Variants in KCNAB1 observed in about 807,000 individuals in gnomAD.
KCNAB1 encodes potassium voltage-gated channel subfamily A regulatory beta subunit 1, also known as voltage-gated potassium channel subunit beta-1.
KCNAB1 carries 35 observed loss-of-function variants against 64.6 expected under a neutral mutation model. That is an observed-to-expected ratio of 0.54 (90% confidence interval 0.41 to 0.72). The LOEUF is 0.72. Among genes scored for constraint, KCNAB1 ranks in the 30% least tolerant of loss-of-function variants. The pLI is 0.00. For missense variants in KCNAB1, 401 were observed against 512.9 expected (o/e 0.78, Z 2.11); for synonymous variants, 177 against 183.8 (o/e 0.96, Z 0.30).
At chr3:156,178,643 T>A (rs1712557788) in intron 1 of KCNAB1, among the ~76,000 whole-genome samples, 1 of 152,238 alleles carries the variant, frequency 6.6e-6, no homozygotes, top group East Asian at 1.9e-4. Context: ...TTTGAGAACC[T>A]ACTTGGCATA....
intron 1 of KCNAB1, among the ~76,000 whole-genome samples, chr3:156,147,957 A>ACG (rs1461081112): frequency 2.9e-5 from 4 of 137,056 alleles, no homozygotes; most frequent in Middle Eastern, 3.5e-3. Flanking sequence ...ACACACACAC[A>ACG]CACGCACGCA....
chr3:156,419,985 A>G (rs1279452997), intron 1 of KCNAB1, among the ~76,000 whole-genome samples: 1 of 152,228 alleles, frequency 6.6e-6, no homozygotes, highest in African/African-American at 2.4e-5. Context: ...TTCTTATAAA[A>G]ATTATGTTCA....
intron 1 of KCNAB1, among the ~76,000 whole-genome samples, chr3:156,173,449 G>T (rs1279386331): frequency 6.6e-6 from 1 of 152,172 alleles, no homozygotes; most frequent in Non-Finnish European, 1.5e-5. Flanking sequence ...CTGGAAATGG[G>T]TTATGAATCA....
chr3:156,459,993 C>G, intron 5 of KCNAB1, 122 bp downstream of exon 5: 1 of 666,176 alleles, frequency 1.5e-6, no homozygotes, highest in Non-Finnish European at 2.6e-6. Context: ...GTTTTTAAAG[C>G]AATGATTTAT....
chr3:156,270,725 TA>T (rs1718990763), intron 1 of KCNAB1, among the ~76,000 whole-genome samples: 1 of 152,254 alleles, frequency 6.6e-6, no homozygotes, highest in Admixed American at 6.5e-5. Context: ...GAGTAGTTTA[TA>T]TACCACAATT....
At chr3:156,208,073 A>AT (rs919578376) in intron 1 of KCNAB1, among the ~76,000 whole-genome samples, 17 of 151,746 alleles carry the variant, frequency 1.1e-4, no homozygotes, top group East Asian at 7.7e-4. Flanking sequence ...TACATGATAT[A>AT]TTTTTTTTTC....
chr3:156,323,065 C>T (rs1009470361), intron 1 of KCNAB1, among the ~76,000 whole-genome samples: 17 of 152,114 alleles, frequency 1.1e-4, no homozygotes, highest in Admixed American at 5.9e-4. Flanking sequence ...TACTAGCATC[C>T]GCTTGGTGCA....
At chr3:156,316,575 A>T (rs1722291616) in intron 1 of KCNAB1, among the ~76,000 whole-genome samples, 1 of 152,224 alleles carries the variant, frequency 6.6e-6, no homozygotes, top group South Asian at 2.1e-4. Context: ...ATAAGGGATA[A>T]AAGTGTAGGC....
intron 1 of KCNAB1, among the ~76,000 whole-genome samples, chr3:156,242,644 T>G (rs1030979640): frequency 2.5e-4 from 38 of 152,276 alleles, no homozygotes; most frequent in Middle Eastern, 3.4e-3. Flanking sequence ...TCTTTTGGTT[T>G]TCTGAATGTT....
intron 1 of KCNAB1, among the ~76,000 whole-genome samples, chr3:156,209,708 T>G (rs914589567): frequency 1.1e-4 from 16 of 152,218 alleles, no homozygotes; most frequent in Non-Finnish European, 1.9e-4. Context: ...AAGTATGTTG[T>G]GTGGGGGCTG....
At chr3:156,438,936 C>T (rs1225491911) in intron 2 of KCNAB1, among the ~76,000 whole-genome samples, 1 of 152,098 alleles carries the variant, frequency 6.6e-6, no homozygotes, top group Non-Finnish European at 1.5e-5. Context: ...ATCGCTTGAA[C>T]CCGGGAGGCG....
intron 1 of KCNAB1, among the ~76,000 whole-genome samples, chr3:156,395,155 G>A (rs1713331432): frequency 6.6e-6 from 1 of 152,130 alleles, no homozygotes; most frequent in African/African-American, 2.4e-5. Context: ...ACCATACATA[G>A]TACAATTTTC....
intron 7 of KCNAB1, among the ~76,000 whole-genome samples, chr3:156,470,247 C>A (rs1324063339): frequency 6.6e-6 from 1 of 152,226 alleles, no homozygotes; most frequent in East Asian, 1.9e-4. Context: ...TGATTACACT[C>A]ATTTAGAATC....
rs1442748098 is a variant in KCNAB1, at chr3:156,508,099, T to C, written c.659-6265T>C. ...GTTTTTTCTCAGTATTTTGCAAGCATATTTAAAATATTTATAATTGTTAAT... is the reference window on the plus strand; with the variant it reads ...GTTTTTTCTCAGTATTTTGCAAGCACATTTAAAATATTTATAATTGTTAAT... On this transcript the variant is annotated intron_variant, in intron 8 of 13. Coordinates refer to ENST00000490337, the MANE Select transcript of KCNAB1 (RefSeq NM_172160.3). The surrounding 1 kb of genome is among the most constrained non-coding windows in gnomAD (Gnocchi z 4.1). Among the ~76,000 whole-genome samples, 1 of 152,182 alleles carries C rather than the reference T, an allele frequency of 6.6e-6. No individual in the cohort carries two copies. The highest frequency in any genetic ancestry group is 1.5e-5 in the Non-Finnish European group (1 of 68,016).
intron 1 of KCNAB1, among the ~76,000 whole-genome samples, chr3:156,338,435 C>T (rs1723882131): frequency 6.6e-6 from 1 of 151,040 alleles, no homozygotes; most frequent in Non-Finnish European, 1.5e-5. Flanking sequence ...CTCAGCCTCC[C>T]TAGTAGCTGG....
At chr3:156,287,776 G>A (rs1408281268) in intron 1 of KCNAB1, among the ~76,000 whole-genome samples, 4 of 151,656 alleles carry the variant, frequency 2.6e-5, no homozygotes, top group African/African-American at 9.7e-5. Context: ...AACAGCCTGG[G>A]TGGCAGAGTG....
At chr3:156,195,478 C>G (rs957847248) in intron 1 of KCNAB1, among the ~76,000 whole-genome samples, 8 of 152,206 alleles carry the variant, frequency 5.3e-5, no homozygotes, top group Non-Finnish European at 7.3e-5. Context: ...GATTGCCATT[C>G]TAAGTGGTGT....
At chr3:156,422,686 G>A (rs1715541905) in intron 2 of KCNAB1, among the ~76,000 whole-genome samples, 1 of 152,216 alleles carries the variant, frequency 6.6e-6, no homozygotes, top group Non-Finnish European at 1.5e-5. Flanking sequence ...AGAAAGGAGA[G>A]CTAGATATAT....
chr3:156,453,912 G>C (rs1472940654), intron 3 of KCNAB1, among the ~76,000 whole-genome samples: 1 of 152,222 alleles, frequency 6.6e-6, no homozygotes, highest in Non-Finnish European at 1.5e-5. Flanking sequence ...AGATTAATGA[G>C]ATGATGCCTG....
Sources: allele counts gnomAD v4.1 joint callset (sites outside exome capture counted in the v4.1 genomes callset), GRCh38; gene constraint gnomAD v4.1.1; non-coding constraint Gnocchi (gnomAD v3.1); transcripts MANE v1.5; gene names NCBI Gene and HGNC (gene_info 2026-07-23, HGNC 2026-07-21).